Variants in TNS3 observed in about 807,000 individuals in gnomAD.
TNS3 encodes the protein tensin-3.
A neutral mutation model predicts 140.9 loss-of-function variants in TNS3; 45 were observed. That is an observed-to-expected ratio of 0.32 (90% CI 0.25 to 0.41). The LOEUF (loss-of-function observed/expected upper bound fraction) is 0.41, where lower values mean the gene tolerates loss of function less well. TNS3 is among the 10% of genes least tolerant of loss of function. The probability of loss-of-function intolerance (pLI) is 1.00; values close to 1 mark genes in which losing one functional copy is unlikely to be tolerated. For synonymous variants in TNS3, 815 were observed against 788.4 expected, an observed-to-expected ratio of 1.03 and a Z score of -0.56; for missense variants, 1,716 against 1,906.7, an observed-to-expected ratio of 0.90 and a Z score of 1.86.
chr7:47,493,723 G>A (rs905945757), intron 3 of TNS3, among the ~76,000 whole-genome samples: 11 of 151,528 alleles, frequency 7.3e-5, no homozygotes, highest in Admixed American at 6.6e-4. Context: ...AGCTACTTGG[G>A]AGGCTGAGGC....
chr7:47,470,837 G>A (rs1010682464), intron 4 of TNS3, among the ~76,000 whole-genome samples: 1 of 152,162 alleles, frequency 6.6e-6, no homozygotes, highest in Non-Finnish European at 1.5e-5. Flanking sequence ...CACCTGCAGA[G>A]GTGGGACAAT....
chr7:47,330,399 C>A (rs1328532524), intron 20 of TNS3, among the ~76,000 whole-genome samples: 1 of 152,216 alleles, frequency 6.6e-6, no homozygotes, highest in East Asian at 1.9e-4. Context: ...TGTCTCTCTC[C>A]TTCCACTTAC....
At chr7:47,455,636 A>G (rs10499662) in intron 4 of TNS3, among the ~76,000 whole-genome samples, 30,610 of 152,050 alleles carry the variant, frequency 0.2, 3,244 homozygotes, top group Non-Finnish European at 0.24. Context: ...TGAATGGATG[A>G]GAATCCTGTC....
intron 30 of TNS3, chr7:47,279,279 A>T: frequency 6.6e-6 from 1 of 152,412 alleles, no homozygotes; most frequent in African/African-American, 2.4e-5. Flanking sequence ...GATACAGCCC[A>T]TTGTGCCTCC....
chr7:47,406,922 C>T (rs762335092), intron 13 of TNS3, among the ~76,000 whole-genome samples: 1 of 152,106 alleles, frequency 6.6e-6, no homozygotes, highest in Non-Finnish European at 1.5e-5. Flanking sequence ...CTGTGCTGAG[C>T]ATGGCAGAGT....
At position 47,369,296 on chromosome 7, in the gene TNS3, C is replaced by T; in HGVS notation, c.1350G>A (p.Lys450=). Residue 450 remains lysine, a synonymous_variant, in exon 17 of 31, where the codon AAG becomes AAA. Coordinates refer to ENST00000311160, the MANE Select transcript of TNS3 (RefSeq NM_022748.12). The stretch of plus-strand genomic sequence containing the variant: ...GCACCACGTGGCGGGTCCCACTGTA[C>T]TTGCTTCGAGCATCAGTCATTTCCT... ...SLKEMTDARS[K]YSGTRHVVPA... is the part of the protein sequence containing the mutation. 1.2e-6 allele frequency: 2 copies of T among 1,614,204 alleles called. No individual in the cohort carries two copies. The highest frequency in any genetic ancestry group is 1.7e-6 in the Non-Finnish European group (2 of 1,180,038).
At chr7:47,473,355 T>C (rs550868547) in intron 4 of TNS3, among the ~76,000 whole-genome samples, 19 of 152,140 alleles carry the variant, frequency 1.2e-4, no homozygotes, top group Non-Finnish European at 2.8e-4. Context: ...GCAAGAACAT[T>C]TGCGTATATC....
At chr7:47,304,477 T>C (rs966974683) in intron 21 of TNS3, among the ~76,000 whole-genome samples, 6 of 152,222 alleles carry the variant, frequency 3.9e-5, no homozygotes, top group Non-Finnish European at 7.3e-5. Flanking sequence ...CACGTATGAA[T>C]GTCCTCAGGG....
intron 13 of TNS3, among the ~76,000 whole-genome samples, chr7:47,402,304 C>T (rs569093688): frequency 2.0e-5 from 3 of 152,362 alleles, no homozygotes; most frequent in Non-Finnish European, 2.9e-5. Context: ...CTCCCTTGTA[C>T]GGCCTGGCGC....
intron 1 of TNS3, among the ~76,000 whole-genome samples, chr7:47,541,385 GA>G (rs2151965673): frequency 6.6e-6 from 1 of 152,226 alleles, no homozygotes; most frequent in Admixed American, 6.5e-5. Context: ...CACACACAGA[GA>G]TACTCCCAGA....
intron 15 of TNS3, 91 bp from the exon 16 acceptor site, chr7:47,396,995 AC>A: frequency 2.2e-6 from 2 of 919,478 alleles, no homozygotes; most frequent in Admixed American, 1.8e-5. Context: ...GAGCAGCCTG[AC>A]TTGAGCAGGA....
At chr7:47,574,646 CA>C (rs1485842579) in intron 1 of TNS3, among the ~76,000 whole-genome samples, 51 of 151,880 alleles carry the variant, frequency 3.4e-4, no homozygotes, top group Non-Finnish European at 4.3e-4. Flanking sequence ...CACACACACA[CA>C]CCCCCACACA....
intron 16 of TNS3, among the ~76,000 whole-genome samples, chr7:47,389,098 G>GAAGCAGAA (rs1562675464): frequency 2.8e-5 from 1 of 35,978 alleles, no homozygotes; most frequent in Non-Finnish European, 4.2e-5. Context: ...AAGAGGAAGA[G>GAAGCAGAA]GAAGCGGAAG....
At chr7:47,452,920 G>A in intron 4 of TNS3, 1 of 985,514 alleles carries the variant, frequency 1.0e-6, no homozygotes. Flanking sequence ...CACGTGGGGA[G>A]TTGGGAACTT....
At chr7:47,530,838 A>AAAAAAAAAAATATATATATATAT in intron 1 of TNS3, among the ~76,000 whole-genome samples, 1 of 54,564 alleles carries the variant, frequency 1.8e-5, no homozygotes, top group African/African-American at 7.9e-5. Context: ...AAAAAAAAAA[A>AAAAAAAAAAATATATATATATAT]ATATATATAT....
intron 4 of TNS3, among the ~76,000 whole-genome samples, chr7:47,455,678 C>A (rs1007314300): frequency 6.6e-6 from 1 of 152,168 alleles, no homozygotes; most frequent in East Asian, 1.9e-4. Context: ...ACATTTAAGA[C>A]CCCATAAAGG....
At chr7:47,351,391 C>T (rs1391707396) in intron 17 of TNS3, among the ~76,000 whole-genome samples, 1 of 151,978 alleles carries the variant, frequency 6.6e-6, no homozygotes, top group Non-Finnish European at 1.5e-5. Flanking sequence ...CCAGAGGTTA[C>T]AATGCAAGGC....
At chr7:47,336,699 G>A (rs1308012746) in intron 20 of TNS3, among the ~76,000 whole-genome samples, 1 of 152,078 alleles carries the variant, frequency 6.6e-6, no homozygotes, top group African/African-American at 2.4e-5. Context: ...TTGCATGCCT[G>A]TATCAAAACA....
At chr7:47,541,662 A>ACCGAGG (rs1195438042) in intron 1 of TNS3, among the ~76,000 whole-genome samples, 1 of 152,088 alleles carries the variant, frequency 6.6e-6, no homozygotes, top group Non-Finnish European at 1.5e-5. Flanking sequence ...GAAGCAAATG[A>ACCGAGG]CCGAGGCCGG....
Sources: allele counts gnomAD v4.1 joint callset (sites outside exome capture counted in the v4.1 genomes callset), GRCh38; gene constraint gnomAD v4.1.1; transcripts MANE v1.5; gene names NCBI Gene and HGNC (gene_info 2026-07-23, HGNC 2026-07-21).